FLI1: variants seen among roughly 807,000 people sequenced by gnomAD.
FLI1 encodes Friend leukemia integration 1 transcription factor.
FLI1 carries 13 observed loss-of-function variants against 53.1 expected under a neutral mutation model. The ratio of observed to expected loss-of-function variants is 0.24; its 90% CI spans 0.16 to 0.39. The LOEUF (loss-of-function observed/expected upper bound fraction) is 0.39. Ranked by LOEUF, FLI1 falls within the 10% of genes least tolerant of loss-of-function variation. The probability of loss-of-function intolerance (pLI) is 1.00; values close to 1 mark genes in which losing one functional copy is unlikely to be tolerated. For missense variants in FLI1, 424 were observed against 600.5 expected, an observed-to-expected ratio of 0.71 and a Z score of 3.07; for synonymous variants, 244 against 236.7, an observed-to-expected ratio of 1.03 and a Z score of -0.28.
intron 5 of FLI1, among the ~76,000 whole-genome samples, chr11:128,796,564 T>A (rs2135897041): frequency 6.6e-6 from 1 of 152,368 alleles, no homozygotes; most frequent in East Asian, 1.9e-4. Flanking sequence ...TGAGATCACA[T>A]TCCACCTACC....
Position 128,805,885 on chromosome 11 carries a change from A to C in FLI1, c.721+454A>C. 9 of 153,416 alleles carry C rather than the reference A, an allele frequency of 5.9e-5. No individual in the cohort carries two copies. In the South Asian group the frequency reaches 6.1e-4, roughly 10 times the overall value. 9.5% of individuals were successfully genotyped at this position (153,416 alleles called of 1,614,324 possible). A position where few individuals can be genotyped will look rare whatever the true frequency, so the allele number is the denominator to read the frequency against. On this transcript the variant is annotated intron_variant, in intron 6 of 8. Transcript: ENST00000527786. The stretch of plus-strand genomic sequence containing the variant: ...TTGGTGGAGAAATTGATGTCTCAGA[A>C]CCCTGCCATCTCCTCAACAGGTTAT...
chr11:128,796,664 T>C (rs1356332365), intron 5 of FLI1, among the ~76,000 whole-genome samples: 1 of 152,228 alleles, frequency 6.6e-6, no homozygotes, highest in Non-Finnish European at 1.5e-5. Context: ...CCTGCTCACC[T>C]GCCAGGCCAC....
intron 1 of FLI1, among the ~76,000 whole-genome samples, chr11:128,708,245 C>T (rs751032155): frequency 1.3e-5 from 2 of 152,176 alleles, no homozygotes; most frequent in Non-Finnish European, 2.9e-5. Context: ...GGTCAGTTAC[C>T]ATCGACAAGC....
chr11:128,726,156 A>G (rs944965638), intron 1 of FLI1, among the ~76,000 whole-genome samples: 1 of 152,176 alleles, frequency 6.6e-6, no homozygotes, highest in Non-Finnish European at 1.5e-5. Context: ...AAGCTTCTGA[A>G]GCATGACTGG....
At chr11:128,723,500 C>T (rs1306294150) in intron 1 of FLI1, among the ~76,000 whole-genome samples, 1 of 151,978 alleles carries the variant, frequency 6.6e-6, no homozygotes, top group African/African-American at 2.4e-5. Context: ...GGAGACATTC[C>T]AGAAAAAGAA....
chr11:128,754,615 G>A (rs1940792412), intron 1 of FLI1, among the ~76,000 whole-genome samples: 1 of 152,230 alleles, frequency 6.6e-6, no homozygotes, highest in South Asian at 2.1e-4. Context: ...AAGACAAGTG[G>A]CTGAGAAGAG....
At chr11:128,725,024 G>A (rs1378481533) in intron 1 of FLI1, among the ~76,000 whole-genome samples, 2 of 152,154 alleles carry the variant, frequency 1.3e-5, no homozygotes. Flanking sequence ...CTCTGTCCAG[G>A]GGGAGGATGC....
At chr11:128,736,028 G>T (rs1180843936) in intron 1 of FLI1, among the ~76,000 whole-genome samples, 2 of 152,056 alleles carry the variant, frequency 1.3e-5, no homozygotes, top group Admixed American at 6.6e-5. Context: ...TCATCTTTAG[G>T]CAGAGATTCC....
intron 5 of FLI1, among the ~76,000 whole-genome samples, chr11:128,786,262 G>A (rs7112550): frequency 0.22 from 33,139 of 152,070 alleles, 3,854 homozygotes; most frequent in Middle Eastern, 0.27. Context: ...CACACTGGGC[G>A]GTTGTCTGGA....
intron 1 of FLI1, among the ~76,000 whole-genome samples, chr11:128,757,077 T>C (rs550386961): frequency 7.0e-6 from 1 of 142,532 alleles, no homozygotes; most frequent in South Asian, 2.2e-4. Context: ...TCTTTCTTTC[T>C]TTCTTTCTTT....
In FLI1 at chr11:128,694,344, G is replaced by A. The variant is rs1439608779; in HGVS notation, c.18+68G>A. The A allele has an allele frequency of 6.7e-5, 81 of 1,209,868 alleles. 1 individual carries two copies. Among genetic ancestry groups the A allele is most frequent in the Non-Finnish European group, 8.3e-5 (78 of 942,518 alleles). 74.9% of individuals were successfully genotyped at this position (1,209,868 alleles called of 1,614,324 possible). ...GGGAGGCGAAGCGGCGGGCGGGTAG[G>A]TGCGGGGCCCGCGTCCCGGAAGACG... is the stretch of plus-strand genomic sequence containing the variant. On this transcript the variant is annotated intron_variant, in intron 1 of 8. Transcript: ENST00000527786.
Position 128,751,612 on chromosome 11 carries a change from T to C in FLI1, c.19-6503T>C, listed in dbSNP as rs1477500321. 2.0e-5 allele frequency among the ~76,000 whole-genome samples: 3 copies of C among 151,572 alleles called. No homozygotes were observed. The East Asian group carries it at 5.8e-4, about 29-fold the overall frequency. ...TGTGATCTCGGCTCACTGCAAGCTC[T>C]GCCTCCCGGGTTCACGCCATTCTCC... On this transcript the variant is annotated intron_variant, in intron 1 of 8. Coordinates refer to ENST00000527786, the MANE Select transcript of FLI1 (RefSeq NM_002017.5).
At chr11:128,769,162 G>A (rs756691665) in intron 3 of FLI1, among the ~76,000 whole-genome samples, 4 of 152,118 alleles carry the variant, frequency 2.6e-5, no homozygotes, top group Non-Finnish European at 4.4e-5. Context: ...TAAAATCATC[G>A]TTCAGTCCTT....
chr11:128,707,148 C>G (rs1405692407), intron 1 of FLI1, among the ~76,000 whole-genome samples: 1 of 152,116 alleles, frequency 6.6e-6, no homozygotes, highest in Admixed American at 6.6e-5. Flanking sequence ...ACACTATGAG[C>G]TTAGGATCTT....
chr11:128,795,017 A>G (rs904793530), intron 5 of FLI1, among the ~76,000 whole-genome samples: 6 of 152,242 alleles, frequency 3.9e-5, no homozygotes, highest in African/African-American at 1.4e-4. Context: ...TCAAAGCTGC[A>G]GTGAGCCAAC....
At chr11:128,763,115 T>C (rs1386718589) in intron 2 of FLI1, among the ~76,000 whole-genome samples, 2 of 152,234 alleles carry the variant, frequency 1.3e-5, no homozygotes, top group East Asian at 3.8e-4. Context: ...TCATGCTCAC[T>C]GGAGACCCAT....
At chr11:128,720,953 C>G (rs1939229081) in intron 1 of FLI1, among the ~76,000 whole-genome samples, 1 of 152,156 alleles carries the variant, frequency 6.6e-6, no homozygotes. Flanking sequence ...ACAGAAGCCG[C>G]CTCTGGCCAC....
intron 1 of FLI1, among the ~76,000 whole-genome samples, chr11:128,747,520 C>G (rs766963196): frequency 6.6e-6 from 1 of 152,212 alleles, no homozygotes; most frequent in Non-Finnish European, 1.5e-5. Context: ...TACTTCCTAC[C>G]CATCCGGCTA....
At chr11:128,773,770 T>C (rs1941646537) in intron 4 of FLI1, among the ~76,000 whole-genome samples, 1 of 151,228 alleles carries the variant, frequency 6.6e-6, no homozygotes, top group Admixed American at 6.6e-5. Context: ...CCAGGCCAGG[T>C]GGTATATCAA....
Sources: gnomAD v4.1 joint callset for allele counts (sites outside exome capture counted in the v4.1 genomes callset) on GRCh38, gnomAD v4.1.1 for gene constraint, MANE v1.5 for transcripts, NCBI Gene and HGNC (gene_info 2026-07-23, HGNC 2026-07-21) for gene names.